The following MYO1E variants were observed in gnomAD, a reference collection of about 807,000 sequenced individuals.
MYO1E encodes the protein myosin IE.
In MYO1E, 68 loss-of-function variants were observed where a neutral mutation model predicts 151.1. The ratio of observed to expected loss-of-function variants is 0.45; its 90% CI spans 0.37 to 0.55. MYO1E has a LOEUF of 0.55. MYO1E is among the 20% of genes least tolerant of loss of function. The pLI is 0.00. For synonymous variants in MYO1E, 601 were observed against 501.7 expected (o/e 1.20, Z -2.64); for missense variants, 1,363 against 1,389.3 (o/e 0.98, Z 0.30).
At chr15:59,262,309 AGG>A in intron 2 of MYO1E, among the ~76,000 whole-genome samples, 1 of 152,290 alleles carries the variant, frequency 6.6e-6, no homozygotes, top group East Asian at 1.9e-4. Context: ...AGGAATTAAA[AGG>A]CATCAATGAG....
At chr15:59,218,142 T>C in intron 9 of MYO1E, 55 bp from the exon 10 acceptor site, 1 of 1,596,726 alleles carries the variant, frequency 6.3e-7, no homozygotes, top group African/African-American at 1.3e-5. Context: ...CACTTCCAAG[T>C]CATCTCACAA....
At chr15:59,142,913 T>C (rs2079419100) in intron 26 of MYO1E, among the ~76,000 whole-genome samples, 2 of 111,320 alleles carry the variant, frequency 1.8e-5, no homozygotes, top group Admixed American at 1.2e-4. Context: ...GCCAGGGTAA[T>C]TAGGTGCAAA....
chr15:59,357,596 GTTGTT>G (rs1212451728), intron 1 of MYO1E, among the ~76,000 whole-genome samples: 501 of 3,212 alleles, frequency 0.16, 6 homozygotes, highest in Admixed American at 0.21. Context: ...GGCTATTTTT[GTTGTT>G]GTTGTTGTTG....
intron 26 of MYO1E, among the ~76,000 whole-genome samples, chr15:59,148,380 T>C (rs541594574): frequency 6.6e-6 from 1 of 152,356 alleles, no homozygotes; most frequent in Admixed American, 6.5e-5. Flanking sequence ...CCTGGGTGGG[T>C]GTGCCTAGTC....
intron 1 of MYO1E, among the ~76,000 whole-genome samples, 153 bp downstream of exon 1, chr15:59,372,345 G>A (rs2080951783): frequency 6.6e-6 from 1 of 152,184 alleles, no homozygotes; most frequent in African/African-American, 2.4e-5. Flanking sequence ...TTTACGGAAA[G>A]CGGCAGGAAA....
At chr15:59,170,759 T>C (rs561772366) in intron 22 of MYO1E, among the ~76,000 whole-genome samples, 6 of 152,198 alleles carry the variant, frequency 3.9e-5, no homozygotes, top group East Asian at 3.9e-4. Flanking sequence ...TAGGAACAGA[T>C]AGAATCAGAA....
At chr15:59,293,291 T>A (rs1286079631) in intron 1 of MYO1E, among the ~76,000 whole-genome samples, 1 of 152,164 alleles carries the variant, frequency 6.6e-6, no homozygotes, top group Non-Finnish European at 1.5e-5. Context: ...CTCATTCAAT[T>A]GTCCCAACAG....
intron 1 of MYO1E, among the ~76,000 whole-genome samples, chr15:59,346,924 GAAAA>G (rs11295137): frequency 7.6e-6 from 1 of 131,310 alleles, no homozygotes; most frequent in African/African-American, 2.7e-5. Flanking sequence ...CTCCCAAAAA[GAAAA>G]AAAAAAAAAA....
chr15:59,239,535 C>T (rs1235815714), intron 4 of MYO1E, among the ~76,000 whole-genome samples: 6 of 151,550 alleles, frequency 4.0e-5, no homozygotes. Flanking sequence ...GACAGTAATC[C>T]CAGTAATCCT....
intron 26 of MYO1E, 105 bp from the exon 27 acceptor site, chr15:59,138,472 T>C: frequency 8.2e-7 from 1 of 1,215,534 alleles, no homozygotes; most frequent in Non-Finnish European, 1.2e-6. Context: ...CAAGTTCAAA[T>C]CCAGCTCCAT....
Position 59,217,491 on chromosome 15 carries a change from A to C in MYO1E, c.1107+400T>G, listed in dbSNP as rs2079926005. On this transcript the variant is annotated intron_variant, in intron 10 of 27. Coordinates refer to ENST00000288235, the MANE Select transcript of MYO1E (RefSeq NM_004998.4). ...ATGGGTGAAAGGAAGGAGCCAGAAC[A>C]GGAACACAAAACCCTCAGTCGTTTT... Among the ~76,000 whole-genome samples the C allele has an allele frequency of 2.0e-5, 3 of 146,486 alleles. No individual in the cohort carries two copies. In the Admixed American group the frequency reaches 2.1e-4, roughly 10 times the overall value.
Position 59,356,090 on chromosome 15 carries a change from A to G in MYO1E, c.3+16408T>C, listed in dbSNP as rs2140437796. 3.3e-5 allele frequency among the ~76,000 whole-genome samples: 5 copies of G among 152,312 alleles called. No homozygotes were observed. In the South Asian group the frequency reaches 1.0e-3, roughly 32 times the overall value. On this transcript the variant is annotated intron_variant, in intron 1 of 27. Transcript: ENST00000288235. ...ACATATACAACAGATTCTGTTTTCT[A>G]GGAGAACTACCTTTTGTTAAACAGT... is the stretch of plus-strand genomic sequence containing the variant.
At chr15:59,341,723 T>C (rs1296225687) in intron 1 of MYO1E, among the ~76,000 whole-genome samples, 1 of 152,256 alleles carries the variant, frequency 6.6e-6, no homozygotes, top group African/African-American at 2.4e-5. Flanking sequence ...GTTGTGTATC[T>C]GTACCACATC....
chr15:59,220,715 T>G (rs1210593776), intron 9 of MYO1E, among the ~76,000 whole-genome samples: 1 of 151,906 alleles, frequency 6.6e-6, no homozygotes, highest in Non-Finnish European at 1.5e-5. Flanking sequence ...TTCAGTCTTG[T>G]AACAGCAGAA....
chr15:59,280,483 G>A (rs528577952), intron 1 of MYO1E, among the ~76,000 whole-genome samples: 4 of 150,758 alleles, frequency 2.7e-5, no homozygotes, highest in Admixed American at 6.6e-5. Context: ...AATTAGCCTC[G>A]TGGTGGTGCA....
intron 10 of MYO1E, among the ~76,000 whole-genome samples, chr15:59,216,049 G>A (rs1241698829): frequency 1.3e-5 from 2 of 152,102 alleles, no homozygotes; most frequent in Non-Finnish European, 2.9e-5. Flanking sequence ...ACCTAGAATA[G>A]TTCTCCTACC....
At chr15:59,197,692 C>A (rs1257505932) in intron 16 of MYO1E, among the ~76,000 whole-genome samples, 1 of 152,158 alleles carries the variant, frequency 6.6e-6, no homozygotes, top group African/African-American at 2.4e-5. Context: ...TCCTATCCTG[C>A]CTTGCTGACA....
chr15:59,248,667 A>G (rs1191090920), intron 4 of MYO1E, among the ~76,000 whole-genome samples: 1 of 151,698 alleles, frequency 6.6e-6, no homozygotes, highest in Non-Finnish European at 1.5e-5. Flanking sequence ...TAGGTTAATG[A>G]AAGGGGGTTG....
At chr15:59,298,510 G>T (rs1377365383) in intron 1 of MYO1E, among the ~76,000 whole-genome samples, 1 of 152,188 alleles carries the variant, frequency 6.6e-6, no homozygotes, top group African/African-American at 2.4e-5. Flanking sequence ...GTGGGAAGAG[G>T]CATAGAAGGA....
Sources: allele counts gnomAD v4.1 joint callset (sites outside exome capture counted in the v4.1 genomes callset), GRCh38; gene constraint gnomAD v4.1.1; transcripts MANE v1.5; gene names NCBI Gene and HGNC (gene_info 2026-07-23, HGNC 2026-07-21).